The following SIPA1L3 variants were observed in gnomAD, a reference collection of about 807,000 sequenced individuals.
SIPA1L3 encodes the protein signal-induced proliferation-associated 1-like protein 3.
A neutral mutation model predicts 150.1 loss-of-function variants in SIPA1L3; 59 were observed. The observed-to-expected ratio is 0.39, with a 90% CI of 0.32 to 0.49. The LOEUF (loss-of-function observed/expected upper bound fraction) is 0.49. Among genes scored for constraint, SIPA1L3 ranks in the 20% least tolerant of loss-of-function variants. SIPA1L3 has a pLI of 0.86. For synonymous variants in SIPA1L3, 1,070 were observed against 1,077.6 expected (o/e 0.99, Z 0.14); for missense variants, 2,211 against 2,489.5 (o/e 0.89, Z 2.38).
intron 1 of SIPA1L3, among the ~76,000 whole-genome samples, chr19:37,989,439 G>C (rs1967443218): frequency 6.6e-6 from 1 of 152,056 alleles, no homozygotes; most frequent in Non-Finnish European, 1.5e-5. Context: ...GCCCAGGCTG[G>C]TCTTGAACTC....
At chr19:38,002,971 C>T (rs1034634493) in intron 1 of SIPA1L3, among the ~76,000 whole-genome samples, 63 of 151,578 alleles carry the variant, frequency 4.2e-4, no homozygotes, top group African/African-American at 1.5e-3. Context: ...TGGTGAAACC[C>T]GATCTCTACT....
chr19:37,961,570 A>G (rs951648735), intron 1 of SIPA1L3, among the ~76,000 whole-genome samples: 4 of 152,216 alleles, frequency 2.6e-5, no homozygotes, highest in African/African-American at 4.8e-5. Flanking sequence ...ACGAAAACCA[A>G]TTTGACTACG....
At chr19:38,197,606 T>C (rs1972989992) in intron 18 of SIPA1L3, among the ~76,000 whole-genome samples, 1 of 151,980 alleles carries the variant, frequency 6.6e-6, no homozygotes, top group Admixed American at 6.6e-5. Flanking sequence ...CTCCTTGGAA[T>C]GTCCAGGGCC....
chr19:37,999,019 A>ACACC (rs1555775399), intron 1 of SIPA1L3, among the ~76,000 whole-genome samples: 1 of 151,658 alleles, frequency 6.6e-6, no homozygotes, highest in African/African-American at 2.4e-5. Flanking sequence ...ACACCCACAC[A>ACACC]CACACAAAGA....
At chr19:38,043,423 A>G (rs1968971821) in intron 2 of SIPA1L3, among the ~76,000 whole-genome samples, 1 of 152,220 alleles carries the variant, frequency 6.6e-6, no homozygotes, top group South Asian at 2.1e-4. Context: ...AAGCAGATCC[A>G]CAGTCCCAGG....
rs1225867890 is a variant in SIPA1L3 at position 38,206,304 on chromosome 19, C to T, written c.*64C>T. The T allele has an allele frequency of 2.7e-6, 4 of 1,476,762 alleles. No homozygotes were observed. Among genetic ancestry groups the T allele is most frequent in the Non-Finnish European group, 3.6e-6 (4 of 1,103,826 alleles). The allele number at this position is 1,476,762 out of a possible 1,614,324, so 91.5% of individuals were successfully genotyped here. ...GGCCGTGGCCCTGCTGCCTCTCTCC[C>T]TCCACTCAGCTCCCAGCTGCCGGTG... On this transcript the variant is annotated 3_prime_UTR_variant, in exon 22 of 22. Transcript: ENST00000222345.
chr19:37,979,017 C>G (rs976958310), intron 1 of SIPA1L3, among the ~76,000 whole-genome samples: 1 of 152,034 alleles, frequency 6.6e-6, no homozygotes, highest in Non-Finnish European at 1.5e-5. Context: ...CACACCCAAA[C>G]CCTTCACAGA....
intron 2 of SIPA1L3, among the ~76,000 whole-genome samples, chr19:38,066,456 C>T (rs1054515263): frequency 7.9e-5 from 12 of 152,150 alleles, no homozygotes; most frequent in Admixed American, 6.5e-4. Flanking sequence ...GTCAAAGCAT[C>T]GTGTACCTTT....
intron 1 of SIPA1L3, among the ~76,000 whole-genome samples, chr19:38,018,639 C>T (rs1229113256): frequency 6.6e-6 from 1 of 152,172 alleles, no homozygotes; most frequent in East Asian, 1.9e-4. Flanking sequence ...GGAGGTACCA[C>T]ATTTTGTTAA....
intron 15 of SIPA1L3, among the ~76,000 whole-genome samples, chr19:38,180,305 G>A (rs1368484813): frequency 6.6e-6 from 1 of 152,068 alleles, no homozygotes; most frequent in African/African-American, 2.4e-5. Context: ...TCTTTTAAAT[G>A]AGAAGTCAGC....
At chr19:38,037,703 A>G (rs1266115852) in intron 2 of SIPA1L3, among the ~76,000 whole-genome samples, 1 of 152,146 alleles carries the variant, frequency 6.6e-6, no homozygotes, top group African/African-American at 2.4e-5. Flanking sequence ...AACCAGGCAG[A>G]TACATAGGAT....
chr19:38,049,775 C>T (rs571188100), intron 2 of SIPA1L3, among the ~76,000 whole-genome samples: 1 of 152,116 alleles, frequency 6.6e-6, no homozygotes, highest in African/African-American at 2.4e-5. Context: ...ACCCGCGTTC[C>T]CCCGAGAGCA....
chr19:38,071,260 TC>T (rs1317639275), intron 2 of SIPA1L3, among the ~76,000 whole-genome samples: 30 of 139,856 alleles, frequency 2.1e-4, no homozygotes, highest in South Asian at 1.8e-3. Context: ...TATCTATCTA[TC>T]TATCTGCCTG....
At chr19:38,044,460 G>T (rs534122118) in intron 2 of SIPA1L3, among the ~76,000 whole-genome samples, 4 of 152,278 alleles carry the variant, frequency 2.6e-5, no homozygotes, top group South Asian at 2.1e-4. Context: ...CCAGTGAGGA[G>T]GGAGGAGACC....
At chr19:38,037,907 C>T (rs992835173) in intron 2 of SIPA1L3, among the ~76,000 whole-genome samples, 1 of 152,074 alleles carries the variant, frequency 6.6e-6, no homozygotes, top group Non-Finnish European at 1.5e-5. Context: ...CAACAATAGC[C>T]TGGGGGACTG....
chr19:38,159,409 C>T (rs1972022834), intron 13 of SIPA1L3, among the ~76,000 whole-genome samples: 1 of 152,214 alleles, frequency 6.6e-6, no homozygotes, highest in Non-Finnish European at 1.5e-5. Context: ...CAGCAGTGAC[C>T]TCCTCCCCCT....
intron 1 of SIPA1L3, among the ~76,000 whole-genome samples, chr19:38,008,876 G>A (rs1968030813): frequency 6.6e-6 from 1 of 151,978 alleles, no homozygotes; most frequent in African/African-American, 2.4e-5. Flanking sequence ...CTTTTTCAAA[G>A]CCACCTTGAG....
intron 15 of SIPA1L3, among the ~76,000 whole-genome samples, chr19:38,181,020 G>C (rs1972543554): frequency 6.6e-6 from 1 of 152,060 alleles, no homozygotes; most frequent in South Asian, 2.1e-4. Flanking sequence ...AGTTCCTGAT[G>C]CACATATGTT....
chr19:37,962,486 T>TTTTTTTTTTTTG (rs2046868262), intron 1 of SIPA1L3, among the ~76,000 whole-genome samples: 2 of 128,436 alleles, frequency 1.6e-5, no homozygotes, highest in African/African-American at 3.3e-5. Flanking sequence ...TTTTTTTTTT[T>TTTTTTTTTTTTG]GAGATAGGGT....
Sources: gnomAD v4.1 joint callset for allele counts (sites outside exome capture counted in the v4.1 genomes callset) on GRCh38, gnomAD v4.1.1 for gene constraint, MANE v1.5 for transcripts, NCBI Gene and HGNC (gene_info 2026-07-23, HGNC 2026-07-21) for gene names.